Variants in ZNF568 observed in about 807,000 individuals in gnomAD.
ZNF568 encodes zinc finger protein 568.
In ZNF568, 11 loss-of-function variants were observed where a neutral mutation model predicts 18.1. The observed-to-expected ratio is 0.61, with a 90% confidence interval of 0.38 to 1.00. The LOEUF (loss-of-function observed/expected upper bound fraction) is 1.00. ZNF568 is among the 50% of genes least tolerant of loss of function. ZNF568 has a pLI of 0.01. For missense variants in ZNF568, 639 were observed against 768.2 expected (o/e 0.83, Z 1.99); for synonymous variants, 213 against 246.6 (o/e 0.86, Z 1.28).
chr19:36,991,884 G>A (rs1254994856), intron 4 of ZNF568: 1 of 1,505,548 alleles, frequency 6.6e-7, no homozygotes, highest in East Asian at 2.4e-5. Context: ...GGCCATAGCA[G>A]GTGGTCACTT....
chr19:36,924,605 G>A (rs543040812), intron 3 of ZNF568, among the ~76,000 whole-genome samples: 1 of 148,816 alleles, frequency 6.7e-6, no homozygotes, highest in Non-Finnish European at 1.5e-5. Flanking sequence ...GAGGCAAATG[G>A]ATCCCTTGAG....
chr19:36,977,109 T>A (rs905018069), intron 7 of ZNF568, among the ~76,000 whole-genome samples: 1 of 152,254 alleles, frequency 6.6e-6, no homozygotes, highest in African/African-American at 2.4e-5. Context: ...TAGATTCATT[T>A]AGTTTTCATA....
intron 2 of ZNF568, among the ~76,000 whole-genome samples, chr19:36,988,713 C>T (rs1337420547): frequency 4.6e-5 from 7 of 152,138 alleles, no homozygotes; most frequent in Admixed American, 4.6e-4. Context: ...CCATATCAGA[C>T]ACATTGTAAT....
chr19:36,918,836 G>A (rs2073400439), intron 2 of ZNF568, among the ~76,000 whole-genome samples: 1 of 152,038 alleles, frequency 6.6e-6, no homozygotes, highest in Non-Finnish European at 1.5e-5. Flanking sequence ...TCTACTTTCT[G>A]TCTCTGAATT....
At chr19:36,931,687 T>C (rs2073689039) in intron 4 of ZNF568, 1 of 152,164 alleles carries the variant, frequency 6.6e-6, no homozygotes, top group Non-Finnish European at 1.5e-5. Context: ...TTTTTTAAAC[T>C]TTAAACATAT....
intron 4 of ZNF568, among the ~76,000 whole-genome samples, chr19:36,992,986 T>A (rs1644683): frequency 0.53 from 81,286 of 151,976 alleles, 22,259 homozygotes; most frequent in African/African-American, 0.62. Flanking sequence ...TCTTTTATAT[T>A]GCCAAATAGT....
At chr19:36,984,580 T>G (rs2146343747), downstream of ZNF568, among the ~76,000 whole-genome samples, 1 of 152,254 alleles carries the variant, frequency 6.6e-6, no homozygotes, top group South Asian at 2.1e-4. Context: ...TCCATGTATT[T>G]ACGACTTTCT....
In ZNF568 at chr19:36,916,422, A is replaced by G. The variant is rs2073332849; in HGVS notation, c.-425A>G. On this transcript the variant is annotated 5_prime_UTR_variant, in exon 1 of 7. Coordinates refer to ENST00000333987, the MANE Select transcript of ZNF568 (RefSeq NM_198539.4). The surrounding 1 kb of genome is among the most constrained non-coding windows in gnomAD (Gnocchi z 5.3). ...TATCTGCGGGTCGCCTTCACCCAGC[A>G]TCTCAGAAACTGCGCGCGGGATGAA... is the stretch of plus-strand genomic sequence containing the variant. 6.5e-6 allele frequency: 1 copy of G among 153,176 alleles called. No homozygotes were observed. The highest frequency in any genetic ancestry group is 6.5e-5 in the Admixed American group (1 of 15,336). The allele number at this position is 153,176 out of a possible 1,614,324, so 9.5% of individuals were successfully genotyped here. A position where few individuals can be genotyped will look rare whatever the true frequency, so the allele number is the denominator to read the frequency against.
rs1045821977 is a variant in ZNF568 at position 36,940,392 on chromosome 19, T to C, written c.358+3150T>C. Reference sequence around the variant, plus strand: ...CTCAACTAACATTCTATTACACGTCTACCAGAGTGGTTGGAATCTGAAAAC... The same window carrying C: ...CTCAACTAACATTCTATTACACGTCCACCAGAGTGGTTGGAATCTGAAAAC... On this transcript the variant is annotated intron_variant, in intron 6 of 6. Coordinates refer to ENST00000333987, the MANE Select transcript of ZNF568 (RefSeq NM_198539.4). Among the ~76,000 whole-genome samples, 3 of 152,228 alleles carry C rather than the reference T, an allele frequency of 2.0e-5. 1 individual carries two copies. The highest frequency in any genetic ancestry group is 7.2e-5 in the African/African-American group (3 of 41,466).
chr19:36,995,961 CTCTTACATGGTAAGG>C (rs2074467293), intron 4 of ZNF568, among the ~76,000 whole-genome samples: 1 of 152,190 alleles, frequency 6.6e-6, no homozygotes, highest in Non-Finnish European at 1.5e-5. Context: ...GAACGTGTTA[CTCTTACATGGTAAGG>C]GGGAATTCAG....
At chr19:36,992,110 G>C (rs1400269847) in intron 4 of ZNF568, among the ~76,000 whole-genome samples, 1 of 151,662 alleles carries the variant, frequency 6.6e-6, no homozygotes, top group Non-Finnish European at 1.5e-5. Flanking sequence ...AGGCCTGGTG[G>C]TGCGTGCCTG....
At position 36,916,438 on chromosome 19, in the gene ZNF568, G is replaced by A. The variant is rs1162120269; in HGVS notation, c.-409G>A. 3 of 152,732 alleles carry A rather than the reference G, an allele frequency of 2.0e-5. No individual in the cohort carries two copies. The highest frequency in any genetic ancestry group is 7.2e-5 in the African/African-American group (3 of 41,480). 9.5% of individuals were successfully genotyped at this position (152,732 alleles called of 1,614,324 possible). ...TCACCCAGCATCTCAGAAACTGCGC[G>A]CGGGATGAACATTCGGGTGTTTCCG... On this transcript the variant is annotated 5_prime_UTR_variant, in exon 1 of 7. Coordinates refer to ENST00000333987, the MANE Select transcript of ZNF568 (RefSeq NM_198539.4). This position sits in a 1 kb window ranked among gnomAD's most constrained non-coding sequence, Gnocchi z 5.3.
At chr19:36,954,937 C>G (rs2074096285), downstream of ZNF568, among the ~76,000 whole-genome samples, 1 of 151,048 alleles carries the variant, frequency 6.6e-6, no homozygotes, top group African/African-American at 2.4e-5. Flanking sequence ...TGGAATGCAG[C>G]AGCATGATCT....
chr19:36,989,141 T>C (rs1401610146), intron 2 of ZNF568, among the ~76,000 whole-genome samples: 1 of 152,224 alleles, frequency 6.6e-6, no homozygotes, highest in Non-Finnish European at 1.5e-5. Context: ...TCCCCAGTTC[T>C]TCCCATTCCA....
At chr19:36,917,157 T>G (rs143193904) in intron 1 of ZNF568, among the ~76,000 whole-genome samples, 1 of 152,306 alleles carries the variant, frequency 6.6e-6, no homozygotes, top group Non-Finnish European at 1.5e-5. Context: ...GTTCAGCTGA[T>G]CTAGGTGGGG....
intron 6 of ZNF568, among the ~76,000 whole-genome samples, chr19:36,945,056 A>C (rs183725803): frequency 1.4e-4 from 22 of 152,054 alleles, no homozygotes; most frequent in Admixed American, 5.2e-4. Flanking sequence ...CATATGTAAA[A>C]TATGTACATG....
intron 6 of ZNF568, among the ~76,000 whole-genome samples, chr19:36,967,860 G>A (rs2074205502): frequency 6.6e-6 from 1 of 152,170 alleles, no homozygotes; most frequent in Non-Finnish European, 1.5e-5. Flanking sequence ...CCACAGTAAA[G>A]AATCTCATCT....
At chr19:36,991,649 C>A in intron 3 of ZNF568, 1 of 915,206 alleles carries the variant, frequency 1.1e-6, no homozygotes, top group Non-Finnish European at 1.6e-6. Flanking sequence ...CTCACTCCTT[C>A]TTCTGACCCT....
intron 4 of ZNF568, 28 bp from the exon 5 acceptor site, chr19:36,936,718 C>T (rs529558935): frequency 1.2e-6 from 2 of 1,600,192 alleles, no homozygotes; most frequent in Admixed American, 1.7e-5. Flanking sequence ...TTGATGACTT[C>T]AAATTAATTA....
Sources: allele counts gnomAD v4.1 joint callset (sites outside exome capture counted in the v4.1 genomes callset), GRCh38; gene constraint gnomAD v4.1.1; non-coding constraint Gnocchi (gnomAD v3.1); transcripts MANE v1.5; gene names NCBI Gene and HGNC (gene_info 2026-07-23, HGNC 2026-07-21).